The following MGAT4C variants were observed in gnomAD, a reference collection of about 807,000 sequenced individuals.
MGAT4C encodes MGAT4 family member C.
In MGAT4C, 19 loss-of-function variants were observed where a neutral mutation model predicts 40.1. The observed-to-expected ratio is 0.47, with a 90% CI of 0.33 to 0.70. MGAT4C has a LOEUF of 0.70. Among genes scored for constraint, MGAT4C ranks in the 30% least tolerant of loss-of-function variants. The pLI, the probability that MGAT4C is intolerant of heterozygous loss-of-function variation, is 0.02. For synonymous variants in MGAT4C, 181 were observed against 187.1 expected (o/e 0.97, Z 0.27); for missense variants, 491 against 563.2 (o/e 0.87, Z 1.30).
At chr12:86,033,944 TGAA>T (rs1890988284) in intron 2 of MGAT4C, among the ~76,000 whole-genome samples, 1 of 149,578 alleles carries the variant, frequency 6.7e-6, no homozygotes, top group Admixed American at 6.7e-5. Flanking sequence ...CGTAGTTTGT[TGAA>T]GGTTTTTAAT....
chr12:86,357,077 G>A (rs966246621), intron 3 of MGAT4C, among the ~76,000 whole-genome samples: 1 of 152,156 alleles, frequency 6.6e-6, no homozygotes, highest in African/African-American at 2.4e-5. Flanking sequence ...CTCCCAGTAG[G>A]GGCCGACTGA....
Position 86,023,130 on chromosome 12 carries a change from T to A in MGAT4C, c.-7+26544A>T, listed in dbSNP as rs567866960. 2.0e-5 allele frequency among the ~76,000 whole-genome samples: 3 copies of A among 152,308 alleles called. 1 individual carries two copies. The highest frequency in any genetic ancestry group is 7.2e-5 in the African/African-American group (3 of 41,572). On this transcript the variant is annotated intron_variant, in intron 2 of 4. Coordinates refer to ENST00000611864, the MANE Select transcript of MGAT4C (RefSeq NM_001351288.2). ...AATGAACAGCCTGGTTCCAGACTTCTATTCTGTAATAATTTTATTAAATGA... is the reference window on the plus strand; with the variant it reads ...AATGAACAGCCTGGTTCCAGACTTCAATTCTGTAATAATTTTATTAAATGA...
intron 4 of MGAT4C, among the ~76,000 whole-genome samples, chr12:86,325,727 A>T (rs1360527832): frequency 6.6e-6 from 1 of 152,032 alleles, no homozygotes; most frequent in Non-Finnish European, 1.5e-5. Context: ...AAAATACAAA[A>T]ATTAGCCTGG....
At chr12:86,703,965 C>T (rs1185564958) in intron 2 of MGAT4C, among the ~76,000 whole-genome samples, 1 of 152,118 alleles carries the variant, frequency 6.6e-6, no homozygotes, top group East Asian at 1.9e-4. Context: ...TTTATTGTTA[C>T]TTTCTTTCCA....
intron 2 of MGAT4C, among the ~76,000 whole-genome samples, chr12:86,501,844 C>T (rs147517861): frequency 6.6e-6 from 1 of 152,076 alleles, no homozygotes; most frequent in East Asian, 1.9e-4. Context: ...ATTTATATTC[C>T]ATGGGTATAC....
At chr12:86,285,106 T>A (rs148788179) in intron 4 of MGAT4C, among the ~76,000 whole-genome samples, 4 of 152,080 alleles carry the variant, frequency 2.6e-5, no homozygotes, top group African/African-American at 9.6e-5. Flanking sequence ...CACATTTAAA[T>A]CTTAATTGAT....
chr12:86,588,196 A>G (rs1961152333), intron 2 of MGAT4C, among the ~76,000 whole-genome samples: 1 of 151,484 alleles, frequency 6.6e-6, no homozygotes, highest in Non-Finnish European at 1.5e-5. Flanking sequence ...TTCTGCATCT[A>G]TTGAGAGGAA....
intron 2 of MGAT4C, among the ~76,000 whole-genome samples, chr12:86,653,727 A>G (rs1963764392): frequency 6.6e-6 from 1 of 151,944 alleles, no homozygotes; most frequent in Non-Finnish European, 1.5e-5. Context: ...TCAATTATCA[A>G]TGGAATGAGT....
chr12:86,537,123 A>G (rs1348058393), intron 2 of MGAT4C, among the ~76,000 whole-genome samples: 2 of 144,048 alleles, frequency 1.4e-5, no homozygotes, highest in African/African-American at 5.8e-5. Flanking sequence ...TCGCAAGGAC[A>G]AAAAACCAAA....
In MGAT4C at chr12:86,342,751, T is replaced by A. The variant is rs371588538; in HGVS notation, c.-119-8624A>T. On this transcript the variant is annotated intron_variant, in intron 3 of 7. Coordinates refer to the MGAT4C transcript ENST00000548651. ...ACTGCTCCCAGCCATGGTTTTTTTT[T>A]ATATTGTCATATATTTCCAGTATCT... 7.9e-5 allele frequency among the ~76,000 whole-genome samples: 12 copies of A among 152,280 alleles called. No homozygotes were observed. The East Asian group carries it at 1.9e-3, about 25-fold the overall frequency.
chr12:86,802,329 A>G (rs1952245832), intron 1 of MGAT4C, among the ~76,000 whole-genome samples: 1 of 151,956 alleles, frequency 6.6e-6, no homozygotes, highest in Non-Finnish European at 1.5e-5. Flanking sequence ...TTAGATACTC[A>G]AAGTCCAAAA....
At chr12:86,668,799 G>C (rs1322657117) in intron 2 of MGAT4C, among the ~76,000 whole-genome samples, 1 of 152,166 alleles carries the variant, frequency 6.6e-6, no homozygotes, top group Non-Finnish European at 1.5e-5. Context: ...TGGACTTGCT[G>C]CCAGATCCAG....
intron 4 of MGAT4C, among the ~76,000 whole-genome samples, chr12:86,295,657 T>C (rs930256154): frequency 6.6e-6 from 1 of 152,152 alleles, no homozygotes; most frequent in African/African-American, 2.4e-5. Context: ...ATCCTGCTGA[T>C]TGGTAGAGCC....
intron 1 of MGAT4C, among the ~76,000 whole-genome samples, chr12:86,197,335 A>G (rs1949854275): frequency 6.6e-6 from 1 of 152,240 alleles, no homozygotes; most frequent in Non-Finnish European, 1.5e-5. Flanking sequence ...GTGTATACAT[A>G]TATACATATA....
chr12:86,657,656 T>C (rs1963883289), intron 2 of MGAT4C, among the ~76,000 whole-genome samples: 1 of 151,998 alleles, frequency 6.6e-6, no homozygotes, highest in East Asian at 1.9e-4. Flanking sequence ...AAAACAATTA[T>C]AACTAGCATG....
At chr12:86,155,301 A>T (rs2135782440) in intron 1 of MGAT4C, among the ~76,000 whole-genome samples, 1 of 152,324 alleles carries the variant, frequency 6.6e-6, no homozygotes. Flanking sequence ...TATAATGAAT[A>T]GCCATTAGAT....
At chr12:86,103,887 A>T (rs778985745) in intron 1 of MGAT4C, among the ~76,000 whole-genome samples, 2 of 152,102 alleles carry the variant, frequency 1.3e-5, no homozygotes, top group Non-Finnish European at 2.9e-5. Context: ...TATGCCAGCC[A>T]TATAGTAGGT....
intron 2 of MGAT4C, among the ~76,000 whole-genome samples, chr12:86,682,528 C>T (rs1412904569): frequency 2.0e-5 from 3 of 151,964 alleles, no homozygotes; most frequent in Non-Finnish European, 4.4e-5. Flanking sequence ...TATAGCTATG[C>T]ATATCATAAT....
intron 1 of MGAT4C, among the ~76,000 whole-genome samples, chr12:86,824,513 T>C (rs542008738): frequency 1.3e-5 from 2 of 151,430 alleles, no homozygotes; most frequent in Admixed American, 6.6e-5. Context: ...CTTAGTGCTA[T>C]CTGCAGTTTA....
Sources: allele counts gnomAD v4.1 joint callset (sites outside exome capture counted in the v4.1 genomes callset), GRCh38; gene constraint gnomAD v4.1.1; transcripts MANE v1.5; gene names NCBI Gene and HGNC (gene_info 2026-07-23, HGNC 2026-07-21).